OGDH: variants seen among roughly 807,000 people sequenced by gnomAD.
OGDH encodes the protein oxoglutarate dehydrogenase.
In OGDH, 38 loss-of-function variants were observed where a neutral mutation model predicts 116.6. The ratio of observed to expected loss-of-function variants is 0.33; its 90% CI spans 0.25 to 0.43. The LOEUF (loss-of-function observed/expected upper bound fraction) is 0.43. Ranked by LOEUF, OGDH falls within the 20% of genes least tolerant of loss-of-function variation. OGDH has a pLI of 1.00. For missense variants in OGDH, 825 were observed against 1,357.2 expected, an observed-to-expected ratio of 0.61 and a Z score of 6.16; for synonymous variants, 488 against 533.3, an observed-to-expected ratio of 0.92 and a Z score of 1.17.
At chr7:44,679,791 A>G (rs189711239) in intron 9 of OGDH, among the ~76,000 whole-genome samples, 1 of 152,332 alleles carries the variant, frequency 6.6e-6, no homozygotes, top group Non-Finnish European at 1.5e-5. Context: ...TGAGGTTCCC[A>G]GAAAAGAAGG....
chr7:44,663,597 C>T (rs916387637), intron 4 of OGDH, among the ~76,000 whole-genome samples: 6 of 152,138 alleles, frequency 3.9e-5, no homozygotes, highest in South Asian at 4.1e-4. Context: ...GGTGAAACCC[C>T]GTCGCTACTA....
At chr7:44,703,038 C>G (rs1788907923) in intron 20 of OGDH, among the ~76,000 whole-genome samples, 1 of 152,168 alleles carries the variant, frequency 6.6e-6, no homozygotes, top group African/African-American at 2.4e-5. Context: ...CAGTCTTTGT[C>G]CCTTGCGACT....
chr7:44,643,094 TAA>T (rs769649359), intron 2 of OGDH, among the ~76,000 whole-genome samples: 2,738 of 124,408 alleles, frequency 0.022, 104 homozygotes, highest in African/African-American at 0.075. Flanking sequence ...CCTGTTTCTT[TAA>T]AAAAAAAAAA....
intron 5 of OGDH, among the ~76,000 whole-genome samples, chr7:44,669,891 T>C (rs757977771): frequency 2.0e-5 from 3 of 152,206 alleles, no homozygotes; most frequent in Non-Finnish European, 4.4e-5. Flanking sequence ...TTACATTTAA[T>C]GTGTGTGTAT....
intron 4 of OGDH, among the ~76,000 whole-genome samples, chr7:44,652,312 A>C (rs1786485508): frequency 6.6e-6 from 1 of 150,582 alleles, no homozygotes; most frequent in Non-Finnish European, 1.5e-5. Context: ...GTTTCACCAT[A>C]TTGGCCAGGC....
intron 2 of OGDH, among the ~76,000 whole-genome samples, chr7:44,629,000 C>T (rs966146786): frequency 6.6e-6 from 1 of 152,206 alleles, no homozygotes; most frequent in Non-Finnish European, 1.5e-5. Context: ...GTGCTCCTCA[C>T]TGACCCCTCT....
At chr7:44,650,576 T>G (rs932602830) in intron 4 of OGDH, among the ~76,000 whole-genome samples, 4 of 152,166 alleles carry the variant, frequency 2.6e-5, no homozygotes, top group Non-Finnish European at 5.9e-5. Flanking sequence ...TGCCAAACTC[T>G]CTGATAATAA....
intron 2 of OGDH, among the ~76,000 whole-genome samples, chr7:44,627,591 A>C (rs939596681): frequency 1.3e-5 from 2 of 152,186 alleles, no homozygotes; most frequent in African/African-American, 4.8e-5. Context: ...GCAAGGACTA[A>C]ACTCATATAG....
rs763894480 is a variant in OGDH, at chr7:44,700,154, C to T, written c.2444C>T (p.Ala815Val). 1.2e-6 allele frequency: 2 copies of T among 1,614,150 alleles called. No homozygotes were observed. The highest frequency in any genetic ancestry group is 1.7e-6 in the Non-Finnish European group (2 of 1,179,990). ...TCCCTGCTGCAGGACCTTAAAGAAG[C>T]CAACTTCGACATCAATCAGCTATAT... ...DPDVLPDLKE[A>V]NFDINQLYDC... Residue 815 changes from alanine (A) to valine (V), a missense_variant, in exon 19 of 23, where the codon GCC becomes GTC. Physicochemically the swap from Ala to Val is moderately conservative, Grantham distance 64. This residue lies in a region of OGDH where 212 missense variants were observed against 284.3 expected (regional missense o/e 0.75). Coordinates refer to ENST00000222673, the MANE Select transcript of OGDH (RefSeq NM_002541.4).
Position 44,614,453 on chromosome 7 carries a change from T to G in OGDH, c.-28+7800T>G, listed in dbSNP as rs146886147. Among the ~76,000 whole-genome samples, 694 of 152,262 alleles carry G rather than the reference T, an allele frequency of 4.6e-3. 6 individuals are homozygous for G. The highest frequency in any genetic ancestry group is 0.016 in the African/African-American group (649 of 41,560). ...TTGTAGCCATTATTTCTTTGAATGC[T>G]TTTCCAGCCCCTCCTTCTGCCTTCA... On this transcript the variant is annotated intron_variant, in intron 1 of 22. Coordinates refer to ENST00000222673, the MANE Select transcript of OGDH (RefSeq NM_002541.4).
In OGDH at chr7:44,660,630, C is replaced by G. The variant is rs114067066; in HGVS notation, c.518-6106C>G. 3.6e-3 allele frequency among the ~76,000 whole-genome samples: 544 copies of G among 152,198 alleles called. 4 individuals carry two copies. Among genetic ancestry groups the G allele is most frequent in the African/African-American group, 0.013 (528 of 41,512 alleles). ...AAATGCTATTGTTGGGTGGAGTATT[C>G]TCTAAATGTCTGCTAGAGCCAGGCA... On this transcript the variant is annotated intron_variant, in intron 4 of 22. Coordinates refer to ENST00000222673, the MANE Select transcript of OGDH (RefSeq NM_002541.4).
At chr7:44,696,624 C>G in intron 14 of OGDH, 67 bp downstream of exon 14, 2 of 1,592,892 alleles carry the variant, frequency 1.3e-6, no homozygotes, top group South Asian at 2.3e-5. Flanking sequence ...CTGTCTAGGA[C>G]TGTGACCTTG....
At chr7:44,653,293 G>A (rs1290618875) in intron 4 of OGDH, among the ~76,000 whole-genome samples, 1 of 151,956 alleles carries the variant, frequency 6.6e-6, no homozygotes, top group Non-Finnish European at 1.5e-5. Context: ...GGGTTTCACT[G>A]TGTTGGTCAG....
chr7:44,704,918 C>T (rs1788996533), intron 20 of OGDH, among the ~76,000 whole-genome samples: 2 of 151,714 alleles, frequency 1.3e-5, no homozygotes, highest in African/African-American at 4.9e-5. Flanking sequence ...ACCATGTTGA[C>T]CAGGCTGGTC....
intron 1 of OGDH, among the ~76,000 whole-genome samples, chr7:44,610,452 T>C (rs2117205934): frequency 6.6e-6 from 1 of 151,928 alleles, no homozygotes; most frequent in South Asian, 2.1e-4. Flanking sequence ...TACAGGCGCT[T>C]GCCACCACAC....
At chr7:44,680,730 A>G (rs979963096) in intron 9 of OGDH, among the ~76,000 whole-genome samples, 7 of 152,138 alleles carry the variant, frequency 4.6e-5, no homozygotes, top group African/African-American at 1.4e-4. Context: ...CTTCTTAGAG[A>G]AACAGCTGAT....
chr7:44,614,122 A>G (rs1784675617), intron 1 of OGDH, among the ~76,000 whole-genome samples: 1 of 150,606 alleles, frequency 6.6e-6, no homozygotes, highest in Admixed American at 6.6e-5. Flanking sequence ...TCTTTTTAAA[A>G]TTTTTATTTT....
At chr7:44,680,577 A>G (rs1190795999) in intron 9 of OGDH, among the ~76,000 whole-genome samples, 1 of 146,262 alleles carries the variant, frequency 6.8e-6, no homozygotes, top group Non-Finnish European at 1.5e-5. Context: ...CACACACAGA[A>G]ATAGCCATGT....
At chr7:44,686,413 G>T (rs1364152672) in intron 10 of OGDH, among the ~76,000 whole-genome samples, 1 of 152,136 alleles carries the variant, frequency 6.6e-6, no homozygotes, top group South Asian at 2.1e-4. Flanking sequence ...TGACCATATA[G>T]TTTGCTAATG....
Sources: allele counts gnomAD v4.1 joint callset (sites outside exome capture counted in the v4.1 genomes callset), GRCh38; gene constraint gnomAD v4.1.1; regional missense constraint gnomAD v4.1.1; transcripts MANE v1.5; gene names NCBI Gene and HGNC (gene_info 2026-07-23, HGNC 2026-07-21).